The following PARD3B variants were observed in gnomAD, a reference collection of about 807,000 sequenced individuals.
The protein encoded by PARD3B is partitioning defective 3 homolog B.
Under a neutral mutation model 130.2 loss-of-function variants are expected in PARD3B, and 103 were observed. The observed-to-expected ratio is 0.79, with a 90% CI of 0.67 to 0.93. PARD3B has a LOEUF of 0.93. PARD3B is among the 40% of genes least tolerant of loss of function. PARD3B has a pLI of 0.00. For synonymous variants in PARD3B, 583 were observed against 553.2 expected, an observed-to-expected ratio of 1.05 and a Z score of -0.76; for missense variants, 1,609 against 1,499.2, an observed-to-expected ratio of 1.07 and a Z score of -1.21.
intron 2 of PARD3B, among the ~76,000 whole-genome samples, chr2:204,963,220 G>T (rs566578093): frequency 5.9e-4 from 90 of 152,214 alleles, no homozygotes; most frequent in African/African-American, 2.1e-3. Context: ...TGATAAATAG[G>T]TATAATATTC....
chr2:205,330,909 A>G (rs1335596798), intron 18 of PARD3B, among the ~76,000 whole-genome samples: 1 of 152,200 alleles, frequency 6.6e-6, no homozygotes, highest in Non-Finnish European at 1.5e-5. Flanking sequence ...ACATAGTTTT[A>G]TTGAGGGCCA....
intron 18 of PARD3B, among the ~76,000 whole-genome samples, chr2:205,326,202 T>C (rs1238365033): frequency 1.1e-4 from 16 of 152,118 alleles, no homozygotes; most frequent in Non-Finnish European, 1.5e-5. Context: ...ATACTGAAAA[T>C]GTGAGAGCGC....
chr2:204,996,313 G>T (rs1694165665), intron 3 of PARD3B, among the ~76,000 whole-genome samples: 3 of 151,512 alleles, frequency 2.0e-5, no homozygotes, highest in Non-Finnish European at 4.4e-5. Context: ...AGGACCCTCA[G>T]CTGCAGGTCT....
At chr2:204,821,934 A>T (rs899989027) in intron 2 of PARD3B, among the ~76,000 whole-genome samples, 2 of 152,182 alleles carry the variant, frequency 1.3e-5, no homozygotes, top group Non-Finnish European at 2.9e-5. Flanking sequence ...ATGCACTAAC[A>T]TAACATCTAT....
chr2:205,310,233 C>T (rs2042331616), intron 18 of PARD3B, among the ~76,000 whole-genome samples: 1 of 151,614 alleles, frequency 6.6e-6, no homozygotes, highest in Non-Finnish European at 1.5e-5. Flanking sequence ...TACAGGGGCC[C>T]ACCACCACGC....
intron 1 of PARD3B, among the ~76,000 whole-genome samples, chr2:204,589,107 G>C (rs1444101660): frequency 6.6e-6 from 1 of 152,144 alleles, no homozygotes; most frequent in East Asian, 1.9e-4. Flanking sequence ...GGAGGCTTAG[G>C]ACAGTACTGT....
intron 1 of PARD3B, among the ~76,000 whole-genome samples, chr2:204,650,365 A>C (rs958634684): frequency 5.9e-5 from 9 of 152,154 alleles, no homozygotes; most frequent in African/African-American, 1.9e-4. Context: ...TAAAAACAGA[A>C]TGACCATTCA....
At chr2:204,625,702 G>C (rs1013235945) in intron 1 of PARD3B, among the ~76,000 whole-genome samples, 2 of 152,068 alleles carry the variant, frequency 1.3e-5, no homozygotes. Flanking sequence ...AAGGAAGACT[G>C]ATCTAACCTT....
At chr2:204,770,466 A>T (rs1193520119) in intron 2 of PARD3B, among the ~76,000 whole-genome samples, 1 of 150,864 alleles carries the variant, frequency 6.6e-6, no homozygotes, top group Admixed American at 6.6e-5. Context: ...GTGCTGAAAA[A>T]AATGTATATT....
chr2:204,766,965 C>CTTTT (rs68009060), intron 2 of PARD3B, among the ~76,000 whole-genome samples: 2 of 114,490 alleles, frequency 1.7e-5, no homozygotes, highest in Non-Finnish European at 3.5e-5. Context: ...TTTTCTTTTT[C>CTTTT]TTTTTTTTTT....
chr2:204,874,788 T>C (rs775706444), intron 2 of PARD3B, among the ~76,000 whole-genome samples: 6 of 152,172 alleles, frequency 3.9e-5, no homozygotes, highest in East Asian at 1.9e-4. Context: ...TTCTATAATA[T>C]CACCCTAGCT....
chr2:205,349,822 A>ATTTTT (rs1364456491), intron 18 of PARD3B, among the ~76,000 whole-genome samples: 3 of 36,424 alleles, frequency 8.2e-5, no homozygotes, highest in African/African-American at 1.6e-4. Flanking sequence ...TTTTTTTTTA[A>ATTTTT]AAAAAGAGGA....
intron 18 of PARD3B, among the ~76,000 whole-genome samples, chr2:205,310,550 C>T (rs750348891): frequency 1.3e-5 from 2 of 151,858 alleles, no homozygotes; most frequent in Non-Finnish European, 2.9e-5. Context: ...TCCATGAGTT[C>T]GACTTTTATA....
At chr2:204,574,082 G>A (rs1258162226) in intron 1 of PARD3B, among the ~76,000 whole-genome samples, 1 of 152,158 alleles carries the variant, frequency 6.6e-6, no homozygotes, top group Non-Finnish European at 1.5e-5. Context: ...TTCCCTCGGT[G>A]GGTGTGGGAG....
At chr2:204,750,555 C>T (rs972186722) in intron 2 of PARD3B, among the ~76,000 whole-genome samples, 23 of 152,128 alleles carry the variant, frequency 1.5e-4, no homozygotes, top group Non-Finnish European at 3.1e-4. Context: ...CACTGCACTT[C>T]AGCCTTGGTG....
In PARD3B at chr2:204,751,584, A is replaced by G. The variant is rs1186227533; in HGVS notation, c.222+65302A>G. Among the ~76,000 whole-genome samples, 3 of 152,214 alleles carry G rather than the reference A, an allele frequency of 2.0e-5. No homozygotes were observed. In the East Asian group the frequency reaches 5.8e-4, roughly 29 times the overall value. On this transcript the variant is annotated intron_variant, in intron 2 of 22. Coordinates refer to ENST00000406610, the MANE Select transcript of PARD3B (RefSeq NM_001302769.2). ...ACTGAAAATAAGTTTTATTTCTGCT[A>G]TAGAATTTCCACCTTGTCTTCTTCA... is the stretch of plus-strand genomic sequence containing the variant.
intron 21 of PARD3B, among the ~76,000 whole-genome samples, chr2:205,513,271 G>A (rs774916424): frequency 6.6e-6 from 1 of 152,000 alleles, no homozygotes; most frequent in Admixed American, 6.6e-5. Context: ...TGTGGCTTTC[G>A]TGTGGTTCCA....
intron 13 of PARD3B, among the ~76,000 whole-genome samples, chr2:205,179,656 A>G (rs764245060): frequency 9.9e-5 from 15 of 152,206 alleles, no homozygotes; most frequent in Admixed American, 8.5e-4. Flanking sequence ...GAGTAAGTAC[A>G]CTATGATGTT....
At chr2:205,251,257 G>GTGTGCA (rs2039836304) in intron 16 of PARD3B, among the ~76,000 whole-genome samples, 1 of 152,136 alleles carries the variant, frequency 6.6e-6, no homozygotes, top group Non-Finnish European at 1.5e-5. Flanking sequence ...TTACATGTAT[G>GTGTGCA]TGTGCATGTG....
Sources: gnomAD v4.1 joint callset for allele counts (sites outside exome capture counted in the v4.1 genomes callset) on GRCh38, gnomAD v4.1.1 for gene constraint, MANE v1.5 for transcripts, NCBI Gene and HGNC (gene_info 2026-07-23, HGNC 2026-07-21) for gene names.